The following NETO2 variants were observed in gnomAD, a reference collection of about 807,000 sequenced individuals.
NETO2 encodes neuropilin and tolloid like 2.
Under a neutral mutation model 62.5 loss-of-function variants are expected in NETO2, and 28 were observed. The ratio of observed to expected loss-of-function variants is 0.45; its 90% confidence interval spans 0.33 to 0.61. NETO2 has a LOEUF of 0.61. NETO2 is among the 20% of genes least tolerant of loss of function. The pLI is 0.02. For missense variants in NETO2, 548 were observed against 643.2 expected, an observed-to-expected ratio of 0.85 and a Z score of 1.60; for synonymous variants, 214 against 219.1, an observed-to-expected ratio of 0.98 and a Z score of 0.21.
chr16:47,130,771 A>T (rs1299708036), intron 2 of NETO2, among the ~76,000 whole-genome samples: 1 of 152,096 alleles, frequency 6.6e-6, no homozygotes, highest in Non-Finnish European at 1.5e-5. Context: ...GAATATACCC[A>T]TCCCCATCAT....
At position 47,083,050 on chromosome 16, in the gene NETO2, CATAT is replaced by C; in HGVS notation, c.*167_*170del. On this transcript the variant is annotated 3_prime_UTR_variant, in exon 9 of 9. Transcript: ENST00000562435. ...AGAGTAAGTTCCTTGATTGGTTTAA[CATAT>C]ATAGACTGCCTGAGAGAATAAAAAC... 1 of 591,748 alleles carries C rather than the reference CATAT, an allele frequency of 1.7e-6. No homozygotes were observed. The highest frequency in any genetic ancestry group is 2.9e-6 in the Non-Finnish European group (1 of 339,954). The allele number at this position is 591,748 out of a possible 1,614,324, so 36.7% of individuals were successfully genotyped here. A position where few individuals can be genotyped will look rare whatever the true frequency, so the allele number is the denominator to read the frequency against.
At chr16:47,122,558 T>C (rs1964062419) in intron 6 of NETO2, 99 bp downstream of exon 6, 1 of 1,346,806 alleles carries the variant, frequency 7.4e-7, no homozygotes. Context: ...TATCAGTTTA[T>C]GTAGTCAATA....
chr16:47,103,518 C>A (rs1325776728), intron 7 of NETO2, among the ~76,000 whole-genome samples: 1 of 152,040 alleles, frequency 6.6e-6, no homozygotes, highest in Admixed American at 6.6e-5. Flanking sequence ...TTCTATGAGG[C>A]CAGAACTAGT....
At chr16:47,138,496 T>A (rs960792122) in intron 1 of NETO2, among the ~76,000 whole-genome samples, 2 of 152,226 alleles carry the variant, frequency 1.3e-5, no homozygotes, top group African/African-American at 4.8e-5. Flanking sequence ...GTTGCACACA[T>A]CATTTTCTAC....
At chr16:47,120,083 T>G (rs1379741228) in intron 6 of NETO2, among the ~76,000 whole-genome samples, 1 of 152,248 alleles carries the variant, frequency 6.6e-6, no homozygotes. Flanking sequence ...AATTACCAAC[T>G]ATGTTATGGA....
chr16:47,115,737 A>ATATATATATATATACATG (rs1963906900), intron 6 of NETO2, among the ~76,000 whole-genome samples: 5 of 143,476 alleles, frequency 3.5e-5, no homozygotes, highest in Non-Finnish European at 6.0e-5. Context: ...ATATACATGT[A>ATATATATATATATACATG]TATATATATA....
chr16:47,132,082 A>T, intron 1 of NETO2, 57 bp from the exon 2 acceptor site: 1 of 1,268,022 alleles, frequency 7.9e-7, no homozygotes, highest in Non-Finnish European at 1.1e-6. Flanking sequence ...ACATTTTACT[A>T]AGTCAATAAA....
At chr16:47,112,417 C>T (rs1963820010) in intron 6 of NETO2, among the ~76,000 whole-genome samples, 1 of 152,166 alleles carries the variant, frequency 6.6e-6, no homozygotes, top group Admixed American at 6.5e-5. Flanking sequence ...GGAGTTCAGT[C>T]GCGTGATCGC....
intron 1 of NETO2, among the ~76,000 whole-genome samples, chr16:47,143,052 G>A (rs1158376465): frequency 6.6e-6 from 1 of 151,908 alleles, no homozygotes; most frequent in Non-Finnish European, 1.5e-5. Context: ...CGCAGCAGGT[G>A]GGACCCGGCT....
intron 7 of NETO2, among the ~76,000 whole-genome samples, chr16:47,088,171 C>A (rs536412176): frequency 6.6e-6 from 1 of 151,882 alleles, no homozygotes; most frequent in East Asian, 1.9e-4. Flanking sequence ...GTGGCATGAT[C>A]GCAGCTCACT....
rs757580701 is a variant in NETO2, at chr16:47,082,080, CAAT to C, written c.*1138_*1140del. ...AATAATATCAAAAGTCTAAAAAACA[CAAT>C]GAGCTTTTATGTTTATAAATTATTG... On this transcript the variant is annotated 3_prime_UTR_variant, in exon 9 of 9. Coordinates refer to ENST00000562435, the MANE Select transcript of NETO2 (RefSeq NM_018092.5). 5 of 152,602 alleles carry C rather than the reference CAAT, an allele frequency of 3.3e-5. No homozygotes were observed. The highest frequency in any genetic ancestry group is 7.4e-5 in the Non-Finnish European group (5 of 67,994). 9.5% of individuals were successfully genotyped at this position (152,602 alleles called of 1,614,324 possible). A position where few individuals can be genotyped will look rare whatever the true frequency, so the allele number is the denominator to read the frequency against.
intron 7 of NETO2, among the ~76,000 whole-genome samples, chr16:47,109,230 G>A (rs1343285925): frequency 6.6e-6 from 1 of 152,098 alleles, no homozygotes; most frequent in Non-Finnish European, 1.5e-5. Flanking sequence ...CTACTTGGGA[G>A]GCTGAAGCAG....
intron 7 of NETO2, among the ~76,000 whole-genome samples, chr16:47,087,275 T>C (rs1048941869): frequency 1.3e-5 from 2 of 152,152 alleles, no homozygotes; most frequent in African/African-American, 4.8e-5. Context: ...CCACCTGCTT[T>C]GGCCTCCCAA....
At position 47,083,157 on chromosome 16, in the gene NETO2, G is replaced by A. The variant is rs1275733438; in HGVS notation, c.*64C>T. On this transcript the variant is annotated 3_prime_UTR_variant, in exon 9 of 9. Transcript: ENST00000562435. The stretch of plus-strand genomic sequence containing the variant: ...AGAAAAGGGTTGGCTGCTGGAAACA[G>A]TATGGTGCCCTGGAGGCTGCGTACG... 1 of 1,424,526 alleles carries A rather than the reference G, an allele frequency of 7.0e-7. No individual in the cohort carries two copies. Among genetic ancestry groups the A allele is most frequent in the African/African-American group, 1.4e-5 (1 of 70,178 alleles). 88.2% of individuals were successfully genotyped at this position (1,424,526 alleles called of 1,614,324 possible).
intron 6 of NETO2, among the ~76,000 whole-genome samples, chr16:47,114,485 C>G (rs1158219676): frequency 2.8e-5 from 3 of 106,962 alleles, no homozygotes; most frequent in Non-Finnish European, 5.1e-5. Flanking sequence ...GAGTCTCGCT[C>G]TGTTGCCCAG....
chr16:47,110,935 T>C (rs1486281727), intron 6 of NETO2, among the ~76,000 whole-genome samples: 1 of 152,176 alleles, frequency 6.6e-6, no homozygotes, highest in East Asian at 1.9e-4. Context: ...ACCACTTCCG[T>C]GAGAATGGTG....
chr16:47,083,295 C>A lies in NETO2; in HGVS notation c.1504G>T (p.Glu502Ter). The A allele has an allele frequency of 6.2e-7, 1 of 1,614,228 alleles. No individual in the cohort carries two copies. The highest frequency in any genetic ancestry group is 8.5e-7 in the Non-Finnish European group (1 of 1,180,038). The part of the protein sequence containing the change: ...PEQALEDRVM[E>*]EIPCEIYVRG... ...ACATAAATTTCACAGGGAATCTCCT[C>A]CATTACTCGGTCTTCCAGGGCCTGC... The change falls in exon 9 of 9, where the codon GAG becomes TAG. Residue 502 changes from glutamate (E) to a stop codon, truncating the protein, a stop_gained. Transcript: ENST00000562435. LOFTEE classifies it high-confidence loss of function.
rs561695119 is a variant in NETO2, at chr16:47,081,331, A to G, written c.*1890T>C. 6.6e-6 allele frequency: 1 copy of G among 152,234 alleles called. No individual in the cohort carries two copies. Among genetic ancestry groups the G allele is most frequent in the South Asian group, 2.1e-4 (1 of 4,820 alleles). 9.4% of individuals were successfully genotyped at this position (152,234 alleles called of 1,614,324 possible). On this transcript the variant is annotated 3_prime_UTR_variant, in exon 9 of 9. Coordinates refer to ENST00000562435, the MANE Select transcript of NETO2 (RefSeq NM_018092.5). Reference sequence around the variant, plus strand: ...TGCTTATTCAGCATAACTACTGAAAAAACTTAGCTGTCTCTGGTATTAGTT... The same window carrying G: ...TGCTTATTCAGCATAACTACTGAAAGAACTTAGCTGTCTCTGGTATTAGTT...
intron 7 of NETO2, among the ~76,000 whole-genome samples, chr16:47,102,841 G>C (rs1963584793): frequency 6.6e-6 from 1 of 152,208 alleles, no homozygotes; most frequent in Admixed American, 6.5e-5. Flanking sequence ...TATACTGTTG[G>C]TGGGAGTGTA....
Sources: gnomAD v4.1 joint callset for allele counts (sites outside exome capture counted in the v4.1 genomes callset) on GRCh38, gnomAD v4.1.1 for gene constraint, MANE v1.5 for transcripts, NCBI Gene and HGNC (gene_info 2026-07-23, HGNC 2026-07-21) for gene names.